Variants in ZNF566 observed in about 807,000 individuals in gnomAD.
ZNF566 encodes zinc finger protein 566.
ZNF566 carries 27 observed loss-of-function variants against 32.8 expected under a neutral mutation model. The observed-to-expected ratio is 0.82, with a 90% confidence interval of 0.61 to 1.14. The LOEUF is 1.14. Ranked by LOEUF, ZNF566 falls within the 50% of genes most tolerant of loss-of-function variation. The pLI, the probability that ZNF566 is intolerant of heterozygous loss-of-function variation, is 0.00. For synonymous variants in ZNF566, 154 were observed against 159.5 expected (o/e 0.97, Z 0.26); for missense variants, 402 against 490.4 (o/e 0.82, Z 1.70).
At chr19:36,450,087 AT>A (rs2033113019) in intron 4 of ZNF566, 86 bp from the exon 5 acceptor site, 41 of 1,134,186 alleles carry the variant, frequency 3.6e-5, no homozygotes, top group Non-Finnish European at 4.6e-5. Flanking sequence ...ATTTAACCGA[AT>A]TTTTTTTACA....
chr19:36,461,657 C>A (rs976634206), intron 4 of ZNF566, among the ~76,000 whole-genome samples: 3 of 151,610 alleles, frequency 2.0e-5, no homozygotes, highest in African/African-American at 7.3e-5. Context: ...GGCGACAGAG[C>A]GAGACTCTGT....
In ZNF566 at chr19:36,489,542, T is replaced by C. The variant is rs933804405; in HGVS notation, c.-116A>G. On this transcript the variant is annotated 5_prime_UTR_variant, in exon 1 of 5. Coordinates refer to ENST00000452939, the MANE Select transcript of ZNF566 (RefSeq NM_001145344.1). ...ACTGGGGTAGTTGCTGGTAAAGCCC[T>C]GAGGGTCCCGCCAGCGCGTGAGTTG... 2 of 356,568 alleles carry C rather than the reference T, an allele frequency of 5.6e-6. No individual in the cohort carries two copies. Among genetic ancestry groups the C allele is most frequent in the African/African-American group, 2.1e-5 (1 of 46,794 alleles). The allele number at this position is 356,568 out of a possible 1,614,324, so 22.1% of individuals were successfully genotyped here. A position where few individuals can be genotyped will look rare whatever the true frequency, so the allele number is the denominator to read the frequency against.
intron 4 of ZNF566, among the ~76,000 whole-genome samples, chr19:36,453,137 A>C (rs1381725139): frequency 6.6e-6 from 1 of 150,686 alleles, no homozygotes; most frequent in East Asian, 2.0e-4. Flanking sequence ...ACAAAAAAAC[A>C]AAAAAACAAA....
chr19:36,451,429 A>G (rs144630148), intron 4 of ZNF566, among the ~76,000 whole-genome samples: 43 of 152,336 alleles, frequency 2.8e-4, no homozygotes, highest in African/African-American at 9.4e-4. Context: ...AGGGGACTTA[A>G]CAAGTACATG....
intron 4 of ZNF566, among the ~76,000 whole-genome samples, chr19:36,465,015 A>C (rs1020570343): frequency 1.2e-4 from 19 of 152,186 alleles, no homozygotes; most frequent in African/African-American, 4.6e-4. Flanking sequence ...TTGATCAAAA[A>C]TGAGTATCTA....
chr19:36,470,529 A>G (rs1286014708), intron 4 of ZNF566, among the ~76,000 whole-genome samples: 2 of 152,178 alleles, frequency 1.3e-5, no homozygotes, highest in Non-Finnish European at 2.9e-5. Context: ...CTGTATCTCA[A>G]CCAGACTACT....
At chr19:36,452,295 C>A (rs927812924) in intron 4 of ZNF566, among the ~76,000 whole-genome samples, 1 of 150,308 alleles carries the variant, frequency 6.7e-6, no homozygotes, top group Non-Finnish European at 1.5e-5. Flanking sequence ...GAAATGACTA[C>A]GGAATGAGAT....
Position 36,449,196 on chromosome 19 carries a change from C to CT in ZNF566, c.1037dup (p.Ala347GlyfsTer10). The stretch of plus-strand genomic sequence containing the variant: ...TAAGGTCTGAGCCAGAACGAAAAGC[C>CT]TTTTCACATTCCTTACATTCGTAAG... On this transcript the variant is annotated frameshift_variant, in exon 5 of 5. Transcript: ENST00000452939. LOFTEE classifies it high-confidence loss of function. 3.1e-6 allele frequency: 5 copies of CT among 1,613,730 alleles called. No individual in the cohort carries two copies. Among genetic ancestry groups the CT allele is most frequent in the Non-Finnish European group, 4.2e-6 (5 of 1,179,880 alleles).
rs11880447 is a variant in ZNF566 at position 36,489,527 on chromosome 19, T to G, written c.-101A>C. The G allele has an allele frequency of 2.9e-6, 1 of 349,540 alleles. No homozygotes were observed. The highest frequency in any genetic ancestry group is 2.1e-5 in the African/African-American group (1 of 46,620). 21.7% of individuals were successfully genotyped at this position (349,540 alleles called of 1,614,324 possible). A position where few individuals can be genotyped will look rare whatever the true frequency, so the allele number is the denominator to read the frequency against. On this transcript the variant is annotated 5_prime_UTR_variant, in exon 1 of 5. Coordinates refer to ENST00000452939, the MANE Select transcript of ZNF566 (RefSeq NM_001145344.1). The stretch of plus-strand genomic sequence containing the variant: ...AGAACCCTCCCCGGCACTGGGGTAG[T>G]TGCTGGTAAAGCCCTGAGGGTCCCG...
rs373468186 is a variant in ZNF566 at position 36,475,205 on chromosome 19, C to T, written c.9+1344G>A. ...GGACTACAGGCGTGCACCAACATGCCTGGCTAATTTTTGTATTTTTTGTAG... is the reference window on the plus strand; with the variant it reads ...GGACTACAGGCGTGCACCAACATGCTTGGCTAATTTTTGTATTTTTTGTAG... On this transcript the variant is annotated intron_variant, in intron 2 of 4. Coordinates refer to ENST00000452939, the MANE Select transcript of ZNF566 (RefSeq NM_001145344.1). Among the ~76,000 whole-genome samples the T allele has an allele frequency of 7.9e-5, 12 of 152,230 alleles. 1 individual carries two copies. In the East Asian group the frequency reaches 2.3e-3, roughly 29 times the overall value.
intron 4 of ZNF566, among the ~76,000 whole-genome samples, chr19:36,469,955 T>C (rs2033722458): frequency 1.3e-5 from 2 of 152,156 alleles, no homozygotes; most frequent in Non-Finnish European, 2.9e-5. Flanking sequence ...AGAAAATGCA[T>C]GTAGAAACTA....
At chr19:36,465,585 C>T (rs1158343451) in intron 4 of ZNF566, among the ~76,000 whole-genome samples, 3 of 152,066 alleles carry the variant, frequency 2.0e-5, no homozygotes, top group Non-Finnish European at 2.9e-5. Context: ...CATTCTCCTG[C>T]CTCAGCCTCC....
At chr19:36,451,470 A>T (rs2033155346) in intron 4 of ZNF566, among the ~76,000 whole-genome samples, 1 of 152,216 alleles carries the variant, frequency 6.6e-6, no homozygotes, top group African/African-American at 2.4e-5. Context: ...TGACTGGCAG[A>T]AAAGACATTT....
intron 1 of ZNF566, among the ~76,000 whole-genome samples, chr19:36,479,023 A>G (rs1286928135): frequency 6.6e-6 from 1 of 152,176 alleles, no homozygotes; most frequent in Non-Finnish European, 1.5e-5. Flanking sequence ...CATGAGTAAT[A>G]AAGTCTTTGT....
intron 4 of ZNF566, among the ~76,000 whole-genome samples, chr19:36,462,990 A>AAAAAAAAAAAAAAG (rs2033514622): frequency 7.3e-6 from 1 of 137,036 alleles, no homozygotes; most frequent in African/African-American, 2.9e-5. Context: ...AAAAAAAAAA[A>AAAAAAAAAAAAAAG]TCCCATTTCC....
rs2032983272 is a variant in ZNF566 at position 36,445,977 on chromosome 19, G to C, written c.*3000C>G. On this transcript the variant is annotated 3_prime_UTR_variant, in exon 5 of 5. Transcript: ENST00000452939. The stretch of plus-strand genomic sequence containing the variant: ...TCACAATTGGGAAAGTGGTTGAAAA[G>C]GCATTGGTAAATAACACTGTGGAAC... 6.6e-6 allele frequency: 1 copy of C among 152,138 alleles called. No individual in the cohort carries two copies. 9.4% of individuals were successfully genotyped at this position (152,138 alleles called of 1,614,324 possible).
intron 4 of ZNF566, among the ~76,000 whole-genome samples, chr19:36,468,447 A>C (rs1272219998): frequency 6.6e-6 from 1 of 151,374 alleles, no homozygotes. Flanking sequence ...CTCTACTAAA[A>C]ATACAAAAAT....
intron 3 of ZNF566, 82 bp downstream of exon 3, chr19:36,473,250 G>C (rs548205607): frequency 6.5e-7 from 1 of 1,536,630 alleles, no homozygotes; most frequent in Non-Finnish European, 8.9e-7. Context: ...ACTGGTTTTT[G>C]AAAGCCAGGT....
intron 2 of ZNF566, among the ~76,000 whole-genome samples, chr19:36,475,252 C>A (rs979739569): frequency 6.6e-6 from 1 of 152,092 alleles, no homozygotes; most frequent in Admixed American, 6.6e-5. Flanking sequence ...GCCATGTTGC[C>A]CAGGCTAGTC....
Sources: gnomAD v4.1 joint callset for allele counts (sites outside exome capture counted in the v4.1 genomes callset) on GRCh38, gnomAD v4.1.1 for gene constraint, MANE v1.5 for transcripts, NCBI Gene and HGNC (gene_info 2026-07-23, HGNC 2026-07-21) for gene names.